Variants in NUP214 observed in about 807,000 individuals in gnomAD.
The protein encoded by NUP214 is nuclear pore complex protein Nup214.
NUP214 carries 79 observed loss-of-function variants against 196.2 expected under a neutral mutation model. The ratio of observed to expected loss-of-function variants is 0.40; its 90% confidence interval spans 0.34 to 0.49. The LOEUF (loss-of-function observed/expected upper bound fraction) is 0.49. Ranked by LOEUF, NUP214 falls within the 20% of genes least tolerant of loss-of-function variation. The pLI, the probability that NUP214 is intolerant of heterozygous loss-of-function variation, is 0.58. For missense variants in NUP214, 2,468 were observed against 2,539.0 expected (o/e 0.97, Z 0.60); for synonymous variants, 1,020 against 990.5 (o/e 1.03, Z -0.56).
At chr9:131,140,436 T>C in intron 10 of NUP214, 113 bp from the exon 11 acceptor site, 1 of 802,450 alleles carries the variant, frequency 1.2e-6, no homozygotes, top group East Asian at 2.5e-5. Flanking sequence ...TAACTTGAGC[T>C]GCTATTCAGA....
At chr9:131,223,736 T>TTATTTTTTTATTTTTTTTA (rs1834642959) in intron 32 of NUP214, among the ~76,000 whole-genome samples, 1 of 28,574 alleles carries the variant, frequency 3.5e-5, no homozygotes, top group African/African-American at 7.5e-5. Context: ...TATTTTTTTT[T>TTATTTTTTTATTTTTTTTA]TTTTTTTTTT....
intron 24 of NUP214, among the ~76,000 whole-genome samples, chr9:131,181,060 G>A (rs1833265510): frequency 6.6e-6 from 1 of 152,168 alleles, no homozygotes; most frequent in South Asian, 2.1e-4. Flanking sequence ...GCGGGGGAAA[G>A]GTTAGAGAGT....
intron 5 of NUP214, among the ~76,000 whole-genome samples, chr9:131,132,197 G>A (rs1021919807): frequency 3.8e-5 from 5 of 131,806 alleles, no homozygotes; most frequent in Non-Finnish European, 3.1e-5. Context: ...TCAGCTCACC[G>A]CAACCTATGC....
chr9:131,160,084 A>G (rs1832584653), intron 18 of NUP214, among the ~76,000 whole-genome samples: 2 of 152,250 alleles, frequency 1.3e-5, no homozygotes, highest in Admixed American at 6.5e-5. Flanking sequence ...TTTCTTAACT[A>G]CAGAATACCC....
At chr9:131,138,524 T>C (rs1831809533) in intron 9 of NUP214, among the ~76,000 whole-genome samples, 1 of 152,228 alleles carries the variant, frequency 6.6e-6, no homozygotes. Flanking sequence ...AGCCTGTTTT[T>C]CTTTGTTGGT....
intron 27 of NUP214, among the ~76,000 whole-genome samples, chr9:131,194,621 G>A (rs1833723567): frequency 6.6e-6 from 1 of 152,178 alleles, no homozygotes; most frequent in East Asian, 1.9e-4. Flanking sequence ...ACAGTGTAAA[G>A]AAAACGTACA....
intron 9 of NUP214, among the ~76,000 whole-genome samples, chr9:131,137,974 A>G (rs1831788902): frequency 6.6e-6 from 1 of 152,180 alleles, no homozygotes; most frequent in South Asian, 2.1e-4. Flanking sequence ...CTGTCCTACA[A>G]TGATAAGTCA....
rs771257806 is a variant in NUP214 at position 131,197,332 on chromosome 9, G to T, written c.3838G>T (p.Ala1280Ser). 11 of 1,613,964 alleles carry T rather than the reference G, an allele frequency of 6.8e-6. No homozygotes were observed. Among genetic ancestry groups the T allele is most frequent in the Admixed American group, 6.7e-5 (4 of 59,988 alleles). The change falls in exon 29 of 36, where the codon GCA becomes TCA. Residue 1280 changes from alanine to serine, a missense_variant. By Grantham distance (99) the Ala-to-Ser change is moderately conservative (BLOSUM62 1). Around this residue, in one of 5 missense-constraint regions of NUP214, gnomAD observed 1,801 missense variants for 1,779.4 expected, o/e 1.01. Transcript: ENST00000359428. ...ESSPPSGITSASNTTPGEPAA... is the reference protein window; with the variant it reads ...ESSPPSGITSSSNTTPGEPAA... ...CTCACCTCCCTCAGGAATCACATCC[G>T]CATCAAACACCACCCCAGGAGAACC...
At chr9:131,210,637 A>G (rs1564212742) in intron 30 of NUP214, among the ~76,000 whole-genome samples, 1 of 152,048 alleles carries the variant, frequency 6.6e-6, no homozygotes, top group East Asian at 1.9e-4. Context: ...AAAAAAAAAA[A>G]CAAAAACGCA....
chr9:131,129,758 C>G (rs1430606053), intron 4 of NUP214, among the ~76,000 whole-genome samples: 1 of 152,110 alleles, frequency 6.6e-6, no homozygotes, highest in African/African-American at 2.4e-5. Flanking sequence ...CATGCGCCAC[C>G]ATGCCCAGCT....
At chr9:131,185,546 T>G (rs1299193711) in intron 24 of NUP214, among the ~76,000 whole-genome samples, 1 of 152,376 alleles carries the variant, frequency 6.6e-6, no homozygotes, top group East Asian at 1.9e-4. Context: ...TAAAGTCACC[T>G]AAGATATGGA....
At chr9:131,201,193 G>C (rs556188645) in intron 29 of NUP214, among the ~76,000 whole-genome samples, 1 of 151,210 alleles carries the variant, frequency 6.6e-6, no homozygotes, top group African/African-American at 2.4e-5. Context: ...CTTAGGCTGG[G>C]TGCGGTGGCC....
At chr9:131,199,277 G>GA (rs1833882167) in intron 29 of NUP214, among the ~76,000 whole-genome samples, 1 of 152,164 alleles carries the variant, frequency 6.6e-6, no homozygotes, top group Non-Finnish European at 1.5e-5. Context: ...GTTTCATGGG[G>GA]AAAAATCAAG....
chr9:131,147,303 T>C (rs796377434), intron 13 of NUP214, among the ~76,000 whole-genome samples, 187 bp from the exon 14 acceptor site: 10 of 152,300 alleles, frequency 6.6e-5, no homozygotes, highest in African/African-American at 2.4e-4. Context: ...AATTTTAATA[T>C]ATTTTTTTCA....
intron 18 of NUP214, 188 bp from the exon 19 acceptor site, chr9:131,162,803 C>T (rs1182207994): frequency 1.3e-5 from 8 of 610,008 alleles, no homozygotes; most frequent in Non-Finnish European, 2.0e-5. Context: ...TCTCCACATT[C>T]CATTTTATCT....
At chr9:131,194,407 T>C (rs971034021) in intron 27 of NUP214, among the ~76,000 whole-genome samples, 1 of 152,130 alleles carries the variant, frequency 6.6e-6, no homozygotes. Flanking sequence ...TTTGGGTTTT[T>C]GTTTTTGTTT....
chr9:131,147,981 G>A (rs919869185), intron 14 of NUP214, among the ~76,000 whole-genome samples: 1 of 152,232 alleles, frequency 6.6e-6, no homozygotes, highest in East Asian at 1.9e-4. Context: ...GAGGCCAGTA[G>A]TTCGAGACTA....
At chr9:131,192,348 C>A (rs951695388) in intron 27 of NUP214, 56 bp downstream of exon 27, 3 of 1,028,950 alleles carry the variant, frequency 2.9e-6, no homozygotes, top group Non-Finnish European at 3.0e-6. Context: ...TTCCCCAAAT[C>A]TTACAATTAT....
chr9:131,197,267 G>T lies in NUP214; in HGVS notation c.3773G>T (p.Gly1258Val), dbSNP rs779727813. Reference protein sequence around the residue: ...ESSQPDAFSSGGGSKPSYEAI... With the variant: ...ESSQPDAFSSVGGSKPSYEAI... Reference sequence around the variant, plus strand: ...AGCCAGCCGGACGCATTCTCATCTGGTGGGGGAAGCAAACCTTCTTATGAG... The same window carrying T: ...AGCCAGCCGGACGCATTCTCATCTGTTGGGGGAAGCAAACCTTCTTATGAG... Residue 1258 changes from glycine (G) to valine (V), a missense_variant, in exon 29 of 36, where the codon GGT becomes GTT. Gly to Val is a moderately radical substitution (Grantham distance 109, BLOSUM62 -3). This residue lies in a region of NUP214 where 1,801 missense variants were observed against 1,779.4 expected (regional missense o/e 1.01). Coordinates refer to ENST00000359428, the MANE Select transcript of NUP214 (RefSeq NM_005085.4). The T allele has an allele frequency of 1.2e-6, 2 of 1,614,174 alleles. No individual in the cohort carries two copies. The highest frequency in any genetic ancestry group is 1.3e-5 in the African/African-American group (1 of 75,026).
Sources: gnomAD v4.1 joint callset for allele counts (sites outside exome capture counted in the v4.1 genomes callset) on GRCh38, gnomAD v4.1.1 for gene constraint, gnomAD v4.1.1 regional missense constraint, MANE v1.5 for transcripts, NCBI Gene and HGNC (gene_info 2026-07-23, HGNC 2026-07-21) for gene names.